ENTREP2: variants seen among roughly 807,000 people sequenced by gnomAD.
ENTREP2 encodes the protein endosomal transmembrane epsin interactor 2.
chr15:29,558,377 A>G, the ENTREP2 span, among the ~76,000 whole-genome samples: 1 of 151,758 alleles, frequency 6.6e-6, no homozygotes, highest in East Asian at 2.0e-4. Context: ...TGCTACATGG[A>G]CTTCCAAACA....
At chr15:29,563,446 T>C in the ENTREP2 span, among the ~76,000 whole-genome samples, 1 of 152,246 alleles carries the variant, frequency 6.6e-6, no homozygotes, top group Admixed American at 6.5e-5. Flanking sequence ...TCTTCATTTT[T>C]GAAACTCATT....
the ENTREP2 span, among the ~76,000 whole-genome samples, chr15:29,651,644 G>A: frequency 1.5e-4 from 23 of 152,352 alleles, no homozygotes; most frequent in African/African-American, 4.8e-4. Flanking sequence ...TCCCAGCTCA[G>A]CACCCTCTCT....
the ENTREP2 span, among the ~76,000 whole-genome samples, chr15:29,434,834 A>C: frequency 6.6e-6 from 1 of 152,180 alleles, no homozygotes; most frequent in African/African-American, 2.4e-5. Flanking sequence ...TGTGTTAAAA[A>C]CTAACATTTC....
At chr15:29,330,405 C>CG in the ENTREP2 span, among the ~76,000 whole-genome samples, 2 of 151,982 alleles carry the variant, frequency 1.3e-5, no homozygotes, top group Admixed American at 6.6e-5. Context: ...GCCGAGATCA[C>CG]GCCACTGCAC....
chr15:29,441,505 C>T, the ENTREP2 span, among the ~76,000 whole-genome samples: 3 of 152,178 alleles, frequency 2.0e-5, no homozygotes, highest in Non-Finnish European at 2.9e-5. Flanking sequence ...GCATTAAGCC[C>T]GCTGCTCCCC....
the ENTREP2 span, among the ~76,000 whole-genome samples, chr15:29,472,063 C>G: frequency 6.6e-6 from 1 of 152,114 alleles, no homozygotes; most frequent in African/African-American, 2.4e-5. Flanking sequence ...GCAGTGGGCC[C>G]CCACAAGCTG....
At chr15:29,123,295 T>C in the ENTREP2 span, 1 of 1,463,228 alleles carries the variant, frequency 6.8e-7, no homozygotes. Context: ...CAAGAACATC[T>C]GTGGCGCCAG....
chr15:29,396,345 C>G, the ENTREP2 span, among the ~76,000 whole-genome samples: 2 of 151,292 alleles, frequency 1.3e-5, no homozygotes, highest in African/African-American at 4.9e-5. Context: ...AGTCTACGGA[C>G]AAGTGAGATT....
the ENTREP2 span, among the ~76,000 whole-genome samples, chr15:29,523,356 A>G: frequency 6.6e-6 from 1 of 152,164 alleles, no homozygotes; most frequent in South Asian, 2.1e-4. Context: ...ATAACAGCAT[A>G]AAAAATACAA....
the ENTREP2 span, among the ~76,000 whole-genome samples, chr15:29,593,213 T>C: frequency 6.6e-6 from 1 of 152,174 alleles, no homozygotes; most frequent in African/African-American, 2.4e-5. Flanking sequence ...ACTATATGTA[T>C]AGTTACAGCC....
chr15:29,444,032 A>C, the ENTREP2 span, among the ~76,000 whole-genome samples: 4 of 152,126 alleles, frequency 2.6e-5, no homozygotes, highest in Non-Finnish European at 5.9e-5. Flanking sequence ...TGAACCTGGG[A>C]GGTGGAGCTT....
the ENTREP2 span, among the ~76,000 whole-genome samples, chr15:29,467,197 G>C: frequency 2.1e-3 from 313 of 152,202 alleles, 1 homozygote; most frequent in African/African-American, 7.2e-3. Context: ...GCGGCAAAGC[G>C]ATGGGCAGGG....
the ENTREP2 span, among the ~76,000 whole-genome samples, chr15:29,543,303 C>G: frequency 1.3e-5 from 2 of 152,200 alleles, no homozygotes; most frequent in Non-Finnish European, 2.9e-5. Flanking sequence ...ACACAAAACT[C>G]ACCACTGCAG....
At chr15:29,145,633 A>AAC in the ENTREP2 span, among the ~76,000 whole-genome samples, 1 of 150,844 alleles carries the variant, frequency 6.6e-6, no homozygotes, top group Non-Finnish European at 1.5e-5. Context: ...AAAAAAAAAA[A>AAC]AAAAAAAAAA....
the ENTREP2 span, among the ~76,000 whole-genome samples, chr15:29,291,854 G>C: frequency 1.3e-5 from 2 of 150,318 alleles, no homozygotes; most frequent in Non-Finnish European, 2.9e-5. Flanking sequence ...GGTTTGCATA[G>C]GTTTTTTTTT....
chr15:29,256,381 T>G, the ENTREP2 span, among the ~76,000 whole-genome samples: 2 of 152,154 alleles, frequency 1.3e-5, no homozygotes, highest in African/African-American at 4.8e-5. Flanking sequence ...AACAAAACTA[T>G]AAGGTTTTTA....
At chr15:29,356,518 G>C in the ENTREP2 span, among the ~76,000 whole-genome samples, 5 of 151,260 alleles carry the variant, frequency 3.3e-5, no homozygotes, top group South Asian at 1.0e-3. Context: ...TGTTAGCCAG[G>C]ATGGTCTTGA....
chr15:29,351,969 A>G, the ENTREP2 span, among the ~76,000 whole-genome samples: 9 of 151,690 alleles, frequency 5.9e-5, no homozygotes, highest in Non-Finnish European at 1.0e-4. Flanking sequence ...GGGTCTTGCT[A>G]TGTTGCCCAG....
the ENTREP2 span, among the ~76,000 whole-genome samples, chr15:29,581,738 T>C: frequency 6.6e-6 from 1 of 152,106 alleles, no homozygotes; most frequent in Non-Finnish European, 1.5e-5. Flanking sequence ...ATATGTACAT[T>C]TATTTTTAAA....
Sources: gnomAD v4.1 joint callset for allele counts (sites outside exome capture counted in the v4.1 genomes callset) on GRCh38, gnomAD v4.1.1 for gene constraint, MANE v1.5 for transcripts, NCBI Gene and HGNC (gene_info 2026-07-23, HGNC 2026-07-21) for gene names.